CDCA4: variants seen among roughly 807,000 people sequenced by gnomAD.
CDCA4 encodes cell division cycle associated 4, also known as cell division cycle-associated protein 4.
For synonymous variants in CDCA4, 130 were observed against 137.0 expected, an observed-to-expected ratio of 0.95 and a Z score of 0.36; for missense variants, 294 against 322.1, an observed-to-expected ratio of 0.91 and a Z score of 0.67.
chr14:105,020,338 G>A (rs937623663), intron 1 of CDCA4, among the ~76,000 whole-genome samples: 1 of 152,248 alleles, frequency 6.6e-6, no homozygotes, highest in Non-Finnish European at 1.5e-5. Context: ...GGCCACAGGA[G>A]AAGCGAGGCA....
At chr14:105,014,238 C>G (rs983432067) in intron 1 of CDCA4, among the ~76,000 whole-genome samples, 2 of 152,164 alleles carry the variant, frequency 1.3e-5, no homozygotes, top group Non-Finnish European at 2.9e-5. Flanking sequence ...CAGCGCCGGA[C>G]ACGCACACAT....
chr14:105,017,658 C>T (rs1035325051), intron 1 of CDCA4, among the ~76,000 whole-genome samples: 3 of 151,972 alleles, frequency 2.0e-5, no homozygotes, highest in African/African-American at 7.2e-5. Context: ...GATGAAACCC[C>T]ATCTCTACTA....
rs1252878575 is a variant in CDCA4 at position 105,011,416 on chromosome 14, T to C, written c.514A>G (p.Lys172Glu). The change falls in exon 2 of 2, where the codon AAA (lysine) becomes GAA (glutamate). Residue 172 changes from lysine (K) to glutamate (E), a missense_variant. By Grantham distance (56) the Lys-to-Glu change is moderately conservative. Transcript: ENST00000336219. ...LDQIFETLETKNPSCMEELFS... is the reference protein window; with the variant it reads ...LDQIFETLETENPSCMEELFS... Reference sequence around the variant, plus strand: ...AGCTCTTCCATGCAGCTGGGGTTTTTAGTCTCCAGCGTTTCAAATATCTGA... The same window carrying C: ...AGCTCTTCCATGCAGCTGGGGTTTTCAGTCTCCAGCGTTTCAAATATCTGA... The C allele has an allele frequency of 1.9e-6, 3 of 1,614,236 alleles. No homozygotes were observed. Among genetic ancestry groups the C allele is most frequent in the East Asian group, 4.5e-5 (2 of 44,888 alleles).
At chr14:105,019,482 C>T (rs2140912395) in intron 1 of CDCA4, among the ~76,000 whole-genome samples, 1 of 152,390 alleles carries the variant, frequency 6.6e-6, no homozygotes, top group East Asian at 1.9e-4. Flanking sequence ...CCTAACCTGT[C>T]ACCTTCACAG....
rs537705402 is a variant in CDCA4, at chr14:105,019,204, G to T, written c.-7+1795C>A. Among the ~76,000 whole-genome samples the T allele has an allele frequency of 3.3e-5, 5 of 152,160 alleles. No individual in the cohort carries two copies. In the South Asian group the frequency reaches 1.0e-3, roughly 32 times the overall value. On this transcript the variant is annotated intron_variant, in intron 1 of 1. Coordinates refer to ENST00000336219, the MANE Select transcript of CDCA4 (RefSeq NM_017955.4). The stretch of plus-strand genomic sequence containing the variant: ...CAGAGAAAAACGAAGAGGGCCAGAC[G>T]GACTGAGGACATGTCCGACATGGCA...
At chr14:105,016,196 A>C (rs568278487) in intron 1 of CDCA4, among the ~76,000 whole-genome samples, 6 of 152,348 alleles carry the variant, frequency 3.9e-5, no homozygotes, top group African/African-American at 1.4e-4. Flanking sequence ...ACAATCTGGA[A>C]GAGCATCAAA....
intron 1 of CDCA4, among the ~76,000 whole-genome samples, chr14:105,016,259 C>G (rs1176159662): frequency 6.6e-6 from 1 of 152,228 alleles, no homozygotes; most frequent in East Asian, 1.9e-4. Context: ...AAAACACAGT[C>G]ACCACCTGGG....
intron 1 of CDCA4, among the ~76,000 whole-genome samples, 175 bp downstream of exon 1, chr14:105,020,824 G>GGAGGGCGGC (rs1401411465): frequency 6.6e-6 from 1 of 151,852 alleles, no homozygotes; most frequent in African/African-American, 2.4e-5. Context: ...CCAGCGCCCA[G>GGAGGGCGGC]GAGGGCGGCG....
rs867762811 is a variant in CDCA4 at position 105,021,025 on chromosome 14, C to A, written c.-33G>T. 8.9e-4 allele frequency: 136 copies of A among 152,970 alleles called. 1 individual carries two copies. The Middle Eastern group carries it at 0.017, about 19-fold the overall frequency. 9.5% of individuals were successfully genotyped at this position (152,970 alleles called of 1,614,324 possible). ...TGACCCGCGAGGCCGCCCGCCGGGTCCTCTGCTCAGCCACCGCCACCGCCG... is the reference window on the plus strand; with the variant it reads ...TGACCCGCGAGGCCGCCCGCCGGGTACTCTGCTCAGCCACCGCCACCGCCG... On this transcript the variant is annotated 5_prime_UTR_variant, in exon 1 of 2. Transcript: ENST00000336219.
Position 105,016,235 on chromosome 14 carries a change from C to T in CDCA4, c.-6-4300G>A, listed in dbSNP as rs76176992. Among the ~76,000 whole-genome samples the T allele has an allele frequency of 5.2e-3, 794 of 152,294 alleles. 23 individuals carry two copies. The East Asian group carries it at 0.095, about 18-fold the overall frequency. On this transcript the variant is annotated intron_variant, in intron 1 of 1. Coordinates refer to ENST00000336219, the MANE Select transcript of CDCA4 (RefSeq NM_017955.4). ...CATAAAACGAATTTTCTCCCAGGAT[C>T]CCATCCACTCAGAAAAACACAGTCA...
chr14:105,020,692 C>G (rs1185140129), intron 1 of CDCA4, among the ~76,000 whole-genome samples: 1 of 152,164 alleles, frequency 6.6e-6, no homozygotes, highest in Non-Finnish European at 1.5e-5. Flanking sequence ...AAGCGGCTCC[C>G]GCGTGGGGCC....
rs558916822 is a variant in CDCA4, at chr14:105,020,035, G to A, written c.-7+964C>T. Among the ~76,000 whole-genome samples, 53 of 152,286 alleles carry A rather than the reference G, an allele frequency of 3.5e-4. 1 individual carries two copies. Among genetic ancestry groups the A allele is most frequent in the Admixed American group, 2.7e-3 (42 of 15,286 alleles). On this transcript the variant is annotated intron_variant, in intron 1 of 1. Coordinates refer to ENST00000336219, the MANE Select transcript of CDCA4 (RefSeq NM_017955.4). ...CAATTGCAGGTACTTTTGTTACTTG[G>A]AACGAAACACACTCCTTCTTTTCCC...
chr14:105,011,826 T>G lies in CDCA4; in HGVS notation c.104A>C (p.Gln35Pro). The part of the protein sequence containing the change: ...KTVSSYSLQR[Q>P]SLLDMSLVKL... ...CACCAGAGACATGTCCAGGAGCGAC[T>G]GCCGCTGCAGGCTGTATGAGGACAC... Residue 35 changes from glutamine to proline, a missense_variant, in exon 2 of 2, where the codon CAG becomes CCG. Gln to Pro is a moderately conservative substitution (Grantham distance 76). Coordinates refer to ENST00000336219, the MANE Select transcript of CDCA4 (RefSeq NM_017955.4). 1 of 1,613,864 alleles carries G rather than the reference T, an allele frequency of 6.2e-7. No individual in the cohort carries two copies. Among genetic ancestry groups the G allele is most frequent in the Non-Finnish European group, 8.5e-7 (1 of 1,180,044 alleles).
At chr14:105,020,146 T>C (rs149462833) in intron 1 of CDCA4, among the ~76,000 whole-genome samples, 2 of 152,296 alleles carry the variant, frequency 1.3e-5, no homozygotes, top group East Asian at 3.9e-4. Flanking sequence ...AGAAAAGGGG[T>C]GTAACTCACT....
At chr14:105,013,605 G>C (rs1900561941) in intron 1 of CDCA4, among the ~76,000 whole-genome samples, 1 of 152,020 alleles carries the variant, frequency 6.6e-6, no homozygotes, top group African/African-American at 2.4e-5. Context: ...CTCTGCTCGG[G>C]GTCTGGAGAC....
chr14:105,018,209 T>TACAAGGGAGGAGAGAGAATCC (rs1886136799), intron 1 of CDCA4, among the ~76,000 whole-genome samples: 1 of 150,062 alleles, frequency 6.7e-6, no homozygotes, highest in Non-Finnish European at 1.5e-5. Context: ...TTACACAAGT[T>TACAAGGGAGGAGAGAGAATCC]CTACAAGGGA....
chr14:105,011,779 G>A lies in CDCA4; in HGVS notation c.151C>T (p.Leu51Phe), dbSNP rs1300146771. The change falls in exon 2 of 2, where the codon CTT becomes TTT. Residue 51 changes from leucine to phenylalanine, a missense_variant. Transcript: ENST00000336219. ...GAGCGGCACAGGTTGGGCTCCACAA[G>A]CATGTGGCAAAGCTGCAACTTCACC... ...SLVKLQLCHM[L>F]VEPNLCRSVL... 2 of 1,613,738 alleles carry A rather than the reference G, an allele frequency of 1.2e-6. No individual in the cohort carries two copies. Among genetic ancestry groups the A allele is most frequent in the South Asian group, 2.2e-5 (2 of 91,090 alleles).
intron 1 of CDCA4, among the ~76,000 whole-genome samples, chr14:105,013,012 C>T (rs1267695976): frequency 3.3e-5 from 5 of 152,236 alleles, no homozygotes; most frequent in South Asian, 2.1e-4. Flanking sequence ...TGTTTCTCGG[C>T]GTATGCCTCA....
At chr14:105,020,671 G>A (rs921757148) in intron 1 of CDCA4, among the ~76,000 whole-genome samples, 1 of 152,168 alleles carries the variant, frequency 6.6e-6, no homozygotes, top group African/African-American at 2.4e-5. Flanking sequence ...TACCCCAGCC[G>A]GGCCCTCGTG....
Sources: allele counts gnomAD v4.1 joint callset (sites outside exome capture counted in the v4.1 genomes callset), GRCh38; gene constraint gnomAD v4.1.1; transcripts MANE v1.5; gene names NCBI Gene and HGNC (gene_info 2026-07-23, HGNC 2026-07-21).